Variants in ATP2C1 observed in about 807,000 individuals in gnomAD.
The protein encoded by ATP2C1 is calcium-transporting ATPase type 2C member 1.
A neutral mutation model predicts 120.5 loss-of-function variants in ATP2C1; 31 were observed. The observed-to-expected ratio is 0.26, with a 90% CI of 0.19 to 0.35. The LOEUF (loss-of-function observed/expected upper bound fraction) is 0.35. ATP2C1 is among the 10% of genes least tolerant of loss of function. The pLI is 1.00. For synonymous variants in ATP2C1, 351 were observed against 358.7 expected, an observed-to-expected ratio of 0.98 and a Z score of 0.24; for missense variants, 731 against 1,107.5, an observed-to-expected ratio of 0.66 and a Z score of 4.83.
At chr3:130,991,063 T>C (rs923236815) in intron 20 of ATP2C1, among the ~76,000 whole-genome samples, 10 of 152,172 alleles carry the variant, frequency 6.6e-5, no homozygotes, top group Non-Finnish European at 1.5e-4. Flanking sequence ...TGCCTGGGTA[T>C]GCTCACCTGA....
At chr3:130,860,384 C>T (rs990001144) in intron 1 of ATP2C1, among the ~76,000 whole-genome samples, 1 of 152,190 alleles carries the variant, frequency 6.6e-6, no homozygotes, top group Non-Finnish European at 1.5e-5. Flanking sequence ...TATTTCTTTC[C>T]TACTCACCCT....
At chr3:130,996,932 T>A (rs2062648958) in intron 24 of ATP2C1, 136 bp downstream of exon 24, 1 of 721,876 alleles carries the variant, frequency 1.4e-6, no homozygotes, top group Admixed American at 2.0e-5. Context: ...TTATAAATTG[T>A]GTGATGTGTG....
chr3:130,888,450 A>T (rs1470033932), intron 1 of ATP2C1, among the ~76,000 whole-genome samples: 1 of 152,106 alleles, frequency 6.6e-6, no homozygotes, highest in South Asian at 2.1e-4. Flanking sequence ...TTTACCTAGA[A>T]CCCCAGAGCA....
intron 2 of ATP2C1, among the ~76,000 whole-genome samples, chr3:130,922,497 T>C (rs1442196858): frequency 1.3e-5 from 2 of 152,214 alleles, no homozygotes; most frequent in Non-Finnish European, 2.9e-5. Flanking sequence ...TTTCTTCTGC[T>C]GGGCTTAGGT....
At chr3:130,892,543 A>T (rs2069214842), upstream of ATP2C1, among the ~76,000 whole-genome samples, 1 of 152,048 alleles carries the variant, frequency 6.6e-6, no homozygotes, top group Non-Finnish European at 1.5e-5. Context: ...TATTTCTTAA[A>T]AGAAAGGTAA....
chr3:130,911,409 T>G (rs1194349023), intron 2 of ATP2C1, among the ~76,000 whole-genome samples: 1 of 151,204 alleles, frequency 6.6e-6, no homozygotes, highest in Non-Finnish European at 1.5e-5. Context: ...GCTCCTGGAT[T>G]CATTGATTTT....
At chr3:130,875,341 A>G (rs2068566621) in intron 1 of ATP2C1, among the ~76,000 whole-genome samples, 2 of 152,160 alleles carry the variant, frequency 1.3e-5, no homozygotes, top group Non-Finnish European at 2.9e-5. Flanking sequence ...CTATGAGTTC[A>G]ACTTTTGAGC....
chr3:130,977,400 G>C (rs1393468863), intron 18 of ATP2C1, among the ~76,000 whole-genome samples: 2 of 152,130 alleles, frequency 1.3e-5, no homozygotes, highest in African/African-American at 4.8e-5. Context: ...CAGTTTGTTG[G>C]CTTTGTTTCC....
intron 12 of ATP2C1, among the ~76,000 whole-genome samples, chr3:130,960,379 G>A (rs184319798): frequency 6.6e-6 from 1 of 152,170 alleles, no homozygotes; most frequent in Non-Finnish European, 1.5e-5. Flanking sequence ...TCTACCTTGG[G>A]TTAAAATATC....
At position 130,980,043 on chromosome 3, in the gene ATP2C1, C is replaced by T. The variant is rs574776380; in HGVS notation, c.1742-539C>T. Among the ~76,000 whole-genome samples, 4 of 152,180 alleles carry T rather than the reference C, an allele frequency of 2.6e-5. No individual in the cohort carries two copies. In the East Asian group the frequency reaches 7.7e-4, roughly 29 times the overall value. On this transcript the variant is annotated intron_variant, in intron 19 of 27. Transcript: ENST00000510168. ...TTGTCTAAGAACAGGTCACTAGGAA[C>T]ATTATATTATTGGAAGAATAACTTT...
At chr3:130,856,929 G>A (rs780750719) in intron 1 of ATP2C1, among the ~76,000 whole-genome samples, 8 of 152,156 alleles carry the variant, frequency 5.3e-5, no homozygotes, top group South Asian at 2.1e-4. Context: ...CAAGGCCATC[G>A]CCAAGGTCTG....
At chr3:130,942,200 A>C (rs2059952884) in intron 8 of ATP2C1, among the ~76,000 whole-genome samples, 1 of 152,228 alleles carries the variant, frequency 6.6e-6, no homozygotes, top group South Asian at 2.1e-4. Flanking sequence ...ACACCATTCA[A>C]ATCACTATGA....
chr3:130,863,020 G>C (rs2068064951), intron 1 of ATP2C1, among the ~76,000 whole-genome samples: 1 of 152,158 alleles, frequency 6.6e-6, no homozygotes, highest in Admixed American at 6.5e-5. Context: ...AGAGGGTTCT[G>C]CAAGTGAGGG....
intron 12 of ATP2C1, among the ~76,000 whole-genome samples, chr3:130,960,314 C>T (rs1413862958): frequency 1.3e-5 from 2 of 152,148 alleles, no homozygotes; most frequent in Admixed American, 1.3e-4. Context: ...CGCAGCAGTC[C>T]ATGTAGCAAT....
chr3:130,890,441 G>C (rs746910781), upstream of ATP2C1, among the ~76,000 whole-genome samples: 2 of 152,178 alleles, frequency 1.3e-5, no homozygotes, highest in Non-Finnish European at 1.5e-5. Flanking sequence ...AATGAATGGA[G>C]AGACTATGTC....
chr3:130,881,889 T>C (rs192439482), intron 1 of ATP2C1, among the ~76,000 whole-genome samples: 1 of 152,368 alleles, frequency 6.6e-6, no homozygotes, highest in Admixed American at 6.5e-5. Context: ...CTACTGATTT[T>C]TGTATGTTGA....
At chr3:130,962,922 G>A (rs1353253579) in intron 12 of ATP2C1, 5 of 151,654 alleles carry the variant, frequency 3.3e-5, no homozygotes, top group Admixed American at 3.3e-4. Context: ...GCATGAAAAA[G>A]TCAATTACGG....
At chr3:130,925,529 G>T (rs1159510953) in intron 2 of ATP2C1, among the ~76,000 whole-genome samples, 2 of 152,142 alleles carry the variant, frequency 1.3e-5, no homozygotes, top group Non-Finnish European at 2.9e-5. Flanking sequence ...TTTTTGTTTA[G>T]TGTGCTGGTT....
chr3:130,888,281 G>A (rs1423325513), intron 1 of ATP2C1, among the ~76,000 whole-genome samples: 1 of 152,150 alleles, frequency 6.6e-6, no homozygotes, highest in Non-Finnish European at 1.5e-5. Context: ...GTGCTGCCTG[G>A]GGTTGGGGGA....
Sources: allele counts gnomAD v4.1 joint callset (sites outside exome capture counted in the v4.1 genomes callset), GRCh38; gene constraint gnomAD v4.1.1; transcripts MANE v1.5; gene names NCBI Gene and HGNC (gene_info 2026-07-23, HGNC 2026-07-21).